Variants in BCO1 observed in about 807,000 individuals in gnomAD.
BCO1 encodes the protein beta-carotene oxygenase 1, also known as beta,beta-carotene 15,15'-dioxygenase.
In BCO1, 54 loss-of-function variants were observed where a neutral mutation model predicts 56.3. The observed-to-expected ratio is 0.96, with a 90% CI of 0.77 to 1.20. BCO1 has a LOEUF of 1.20. Ranked by LOEUF, BCO1 falls within the 50% of genes most tolerant of loss-of-function variation. The pLI, the probability that BCO1 is intolerant of heterozygous loss-of-function variation, is 0.00. For missense variants in BCO1, 801 were observed against 690.9 expected (o/e 1.16, Z -1.79); for synonymous variants, 318 against 266.1 (o/e 1.20, Z -1.90).
chr16:81,288,459 C>T (rs566618170), intron 10 of BCO1, among the ~76,000 whole-genome samples: 15 of 152,196 alleles, frequency 9.9e-5, no homozygotes, highest in Non-Finnish European at 2.2e-4. Flanking sequence ...AAGAAAGGGT[C>T]TCACTATGTT....
At chr16:81,284,906 G>A (rs558965002) in intron 8 of BCO1, among the ~76,000 whole-genome samples, 36 of 149,380 alleles carry the variant, frequency 2.4e-4, no homozygotes, top group Middle Eastern at 6.9e-3. Context: ...GCACGATCTC[G>A]GCTCACTGCA....
intron 1 of BCO1, among the ~76,000 whole-genome samples, chr16:81,244,959 C>T (rs982742080): frequency 9.9e-5 from 15 of 152,136 alleles, no homozygotes; most frequent in Admixed American, 5.2e-4. Context: ...GGTACAATCT[C>T]GGCTCGCTGC....
At chr16:81,261,628 A>G (rs868100967) in intron 3 of BCO1, among the ~76,000 whole-genome samples, 1 of 151,886 alleles carries the variant, frequency 6.6e-6, no homozygotes, top group Non-Finnish European at 1.5e-5. Flanking sequence ...ATTCCGGCCG[A>G]CTCATTTCTT....
At chr16:81,241,267 C>T (rs1186024032) in intron 1 of BCO1, among the ~76,000 whole-genome samples, 2 of 151,952 alleles carry the variant, frequency 1.3e-5, no homozygotes, top group East Asian at 1.9e-4. Flanking sequence ...GAGCCAAGAT[C>T]GCACCACTGT....
chr16:81,281,727 C>A (rs1907893049), intron 8 of BCO1, among the ~76,000 whole-genome samples: 1 of 152,176 alleles, frequency 6.6e-6, no homozygotes, highest in Non-Finnish European at 1.5e-5. Flanking sequence ...GGCACCATCG[C>A]CATCTGGGGC....
chr16:81,279,596 A>T (rs1907749647), intron 7 of BCO1, among the ~76,000 whole-genome samples: 1 of 152,212 alleles, frequency 6.6e-6, no homozygotes, highest in Non-Finnish European at 1.5e-5. Flanking sequence ...TAACTCAAAG[A>T]TGCATATGCT....
At chr16:81,239,044 T>G in intron 1 of BCO1, 72 bp downstream of exon 1, 1 of 1,328,330 alleles carries the variant, frequency 7.5e-7, no homozygotes, top group Non-Finnish European at 1.0e-6. Context: ...TGAGGCGGAG[T>G]CTCGCTCTGT....
intron 5 of BCO1, among the ~76,000 whole-genome samples, chr16:81,266,382 C>T (rs1460297857): frequency 6.6e-6 from 1 of 152,142 alleles, no homozygotes; most frequent in Non-Finnish European, 1.5e-5. Flanking sequence ...ACTCAGGAGA[C>T]AGTGCAGAAC....
At chr16:81,255,626 A>G (rs1003164338) in intron 2 of BCO1, among the ~76,000 whole-genome samples, 6 of 150,384 alleles carry the variant, frequency 4.0e-5, no homozygotes, top group African/African-American at 1.2e-4. Flanking sequence ...CAGCCTCCCA[A>G]GTAGCTGGTA....
intron 2 of BCO1, among the ~76,000 whole-genome samples, chr16:81,255,861 T>A (rs1220463534): frequency 1.3e-5 from 2 of 152,090 alleles, no homozygotes; most frequent in Non-Finnish European, 2.9e-5. Flanking sequence ...AGTCTCGCTC[T>A]GTTGCCCAGG....
chr16:81,276,526 A>C (rs982524774), intron 7 of BCO1, among the ~76,000 whole-genome samples: 3 of 152,164 alleles, frequency 2.0e-5, no homozygotes, highest in Admixed American at 6.6e-5. Context: ...CCACGCAGTG[A>C]GGGATGGAGC....
chr16:81,290,399 T>C lies in BCO1; in HGVS notation c.1466T>C (p.Leu489Pro). ...ACTGATCCCCAAAAGCTGCCTTTTC[T>C]GCTCATTCTGGATGCCAAAAGCTTT... ...VSTDPQKLPF[L>P]LILDAKSFTE... Residue 489 changes from leucine (L) to proline (P), a missense_variant, in exon 11 of 11, where the codon CTG becomes CCG. Physicochemically the swap from Leu to Pro is moderately conservative, Grantham distance 98. Coordinates refer to ENST00000258168, the MANE Select transcript of BCO1 (RefSeq NM_017429.3). 1 of 1,614,254 alleles carries C rather than the reference T, an allele frequency of 6.2e-7. No homozygotes were observed. The highest frequency in any genetic ancestry group is 8.5e-7 in the Non-Finnish European group (1 of 1,180,048).
chr16:81,238,864 G>C lies in BCO1; in HGVS notation c.-45G>C, dbSNP rs1287165281. On this transcript the variant is annotated 5_prime_UTR_variant, in exon 1 of 11. Coordinates refer to ENST00000258168, the MANE Select transcript of BCO1 (RefSeq NM_017429.3). ...CAGCATCTCCTGTGAACACAGAGGA[G>C]CACCTGTTTGCTGTTAAAATCGATC... 7 of 1,550,876 alleles carry C rather than the reference G, an allele frequency of 4.5e-6. No homozygotes were observed. The highest frequency in any genetic ancestry group is 6.2e-6 in the Non-Finnish European group (7 of 1,122,510).
chr16:81,266,249 C>T (rs1049411971), intron 5 of BCO1, among the ~76,000 whole-genome samples: 1 of 152,140 alleles, frequency 6.6e-6, no homozygotes, highest in East Asian at 1.9e-4. Context: ...GGAGCAAAGC[C>T]CAGGCTGACT....
intron 2 of BCO1, 125 bp from the exon 3 acceptor site, chr16:81,259,551 T>C (rs1026558470): frequency 9.5e-7 from 1 of 1,056,964 alleles, no homozygotes. Flanking sequence ...CCCTGTGTAC[T>C]AAAGGAGCTT....
intron 5 of BCO1, among the ~76,000 whole-genome samples, chr16:81,267,158 C>T (rs935518710): frequency 1.3e-5 from 2 of 152,104 alleles, no homozygotes; most frequent in Non-Finnish European, 1.5e-5. Flanking sequence ...GTATGAGAGT[C>T]GTAATCCCTG....
chr16:81,267,531 T>A (rs1274354441), intron 5 of BCO1, among the ~76,000 whole-genome samples: 1 of 152,194 alleles, frequency 6.6e-6, no homozygotes, highest in Non-Finnish European at 1.5e-5. Flanking sequence ...GAGAATTGCT[T>A]GAACCTGGGA....
intron 2 of BCO1, among the ~76,000 whole-genome samples, chr16:81,258,015 G>A (rs111424813): frequency 3.3e-5 from 5 of 152,236 alleles, no homozygotes; most frequent in African/African-American, 1.2e-4. Context: ...CCTCAGAGGA[G>A]ATGTGATACC....
chr16:81,285,978 A>G (rs780771108), intron 9 of BCO1, among the ~76,000 whole-genome samples: 4 of 152,168 alleles, frequency 2.6e-5, no homozygotes, highest in Non-Finnish European at 5.9e-5. Flanking sequence ...CCTCTCCAGC[A>G]GAGAGGGTGT....
Sources: allele counts gnomAD v4.1 joint callset (sites outside exome capture counted in the v4.1 genomes callset), GRCh38; gene constraint gnomAD v4.1.1; transcripts MANE v1.5; gene names NCBI Gene and HGNC (gene_info 2026-07-23, HGNC 2026-07-21).